Variants in BLM observed in about 807,000 individuals in gnomAD.
BLM encodes the protein recQ-like DNA helicase BLM.
Under a neutral mutation model 135.3 loss-of-function variants are expected in BLM, and 95 were observed. The observed-to-expected ratio is 0.70, with a 90% CI of 0.59 to 0.83. The LOEUF is 0.83. BLM is among the 40% of genes least tolerant of loss of function. The pLI, the probability that BLM is intolerant of heterozygous loss-of-function variation, is 0.00. For synonymous variants in BLM, 520 were observed against 589.2 expected (o/e 0.88, Z 1.70); for missense variants, 1,518 against 1,663.9 (o/e 0.91, Z 1.53).
chr15:90,782,693 C>A, intron 12 of BLM, 129 bp from the exon 13 acceptor site: 1 of 697,228 alleles, frequency 1.4e-6, no homozygotes, highest in Non-Finnish European at 2.5e-6. Context: ...AATTATCTCC[C>A]GGAGGCTCCA....
At chr15:90,734,696 C>CAGAGAGAGAGAGAGAG (rs60051515) in intron 1 of BLM, among the ~76,000 whole-genome samples, 1 of 146,118 alleles carries the variant, frequency 6.8e-6, no homozygotes, top group Non-Finnish European at 1.5e-5. Context: ...CACACACACG[C>CAGAGAGAGAGAGAGAG]AGAGAGAGAG....
intron 1 of BLM, among the ~76,000 whole-genome samples, chr15:90,720,270 A>G (rs1044353624): frequency 2.0e-5 from 3 of 152,220 alleles, no homozygotes; most frequent in Admixed American, 2.0e-4. Context: ...CACTGTAGAT[A>G]TTAGCTGAAT....
intron 1 of BLM, among the ~76,000 whole-genome samples, chr15:90,744,777 C>T (rs776273162): frequency 1.3e-5 from 2 of 151,890 alleles, no homozygotes; most frequent in Non-Finnish European, 2.9e-5. Flanking sequence ...AGGCTGGGCG[C>T]GGTGGCTCAC....
chr15:90,785,799 C>T (rs28745032), intron 14 of BLM, among the ~76,000 whole-genome samples: 24,288 of 151,940 alleles, frequency 0.16, 2,015 homozygotes, highest in Non-Finnish European at 0.19. Flanking sequence ...TCCCAAAGTG[C>T]TGGGATTATA....
intron 12 of BLM, among the ~76,000 whole-genome samples, chr15:90,780,633 A>G (rs542130811): frequency 6.6e-6 from 1 of 152,372 alleles, no homozygotes; most frequent in African/African-American, 2.4e-5. Flanking sequence ...TATCAAAAAC[A>G]TTTGAAAGAA....
At chr15:90,767,272 T>C (rs1203141063) in intron 10 of BLM, among the ~76,000 whole-genome samples, 1 of 152,214 alleles carries the variant, frequency 6.6e-6, no homozygotes, top group Non-Finnish European at 1.5e-5. Flanking sequence ...ACTGTACATT[T>C]CCTAAAAACA....
At chr15:90,758,371 C>A (rs1194188896) in intron 5 of BLM, among the ~76,000 whole-genome samples, 1 of 152,142 alleles carries the variant, frequency 6.6e-6, no homozygotes, top group African/African-American at 2.4e-5. Context: ...CTTGTAGTCC[C>A]AGGCACTCAG....
rs201551298 is a variant in BLM, at chr15:90,733,101, TA to T, written c.-4-14278del. ...GAGTGAGACTATGTCTCAAAAAAAT[TA>T]AAAAAAAAAGATGTGTATCTTGAAT... On this transcript the variant is annotated intron_variant, in intron 1 of 21. Transcript: ENST00000355112. Among the ~76,000 whole-genome samples the T allele has an allele frequency of 4.4e-4, 64 of 146,976 alleles. 2 individuals carry two copies. The highest frequency in any genetic ancestry group is 3.8e-3 in the Admixed American group (56 of 14,866).
chr15:90,719,863 C>T (rs772372907), intron 1 of BLM, among the ~76,000 whole-genome samples: 4 of 152,114 alleles, frequency 2.6e-5, no homozygotes, highest in Non-Finnish European at 5.9e-5. Context: ...AGGGTCTCCA[C>T]TACCTGTAGG....
intron 15 of BLM, among the ~76,000 whole-genome samples, chr15:90,792,885 G>A (rs1304908681): frequency 6.6e-6 from 1 of 151,760 alleles, no homozygotes; most frequent in Non-Finnish European, 1.5e-5. Flanking sequence ...TCTCAGTGAA[G>A]AAAATTAAAT....
At chr15:90,750,362 G>A (rs765010079) in intron 3 of BLM, among the ~76,000 whole-genome samples, 1 of 152,120 alleles carries the variant, frequency 6.6e-6, no homozygotes, top group African/African-American at 2.4e-5. Flanking sequence ...TCAGTTACCC[G>A]CAGCCGGCTG....
intron 1 of BLM, among the ~76,000 whole-genome samples, chr15:90,720,003 C>A (rs1397536616): frequency 6.6e-5 from 10 of 152,324 alleles, no homozygotes; most frequent in African/African-American, 2.4e-4. Flanking sequence ...TCAGTCCTGT[C>A]TGTAAAGTTC....
At chr15:90,739,064 G>T (rs1895295253) in intron 1 of BLM, among the ~76,000 whole-genome samples, 2 of 152,150 alleles carry the variant, frequency 1.3e-5, no homozygotes, top group Admixed American at 1.3e-4. Context: ...ATAAGAAAAT[G>T]TGGTATGTAT....
At chr15:90,720,873 C>T (rs942492141) in intron 1 of BLM, among the ~76,000 whole-genome samples, 1 of 152,016 alleles carries the variant, frequency 6.6e-6, no homozygotes, top group Non-Finnish European at 1.5e-5. Flanking sequence ...TTGAGCCCAC[C>T]GCACCTGGCC....
intron 8 of BLM, among the ~76,000 whole-genome samples, chr15:90,764,599 C>T (rs1171496217): frequency 6.6e-6 from 1 of 151,970 alleles, no homozygotes; most frequent in Admixed American, 6.5e-5. Context: ...GTCCACCTGC[C>T]TCAGGCTCCC....
At chr15:90,792,446 T>C (rs1306932780) in intron 15 of BLM, among the ~76,000 whole-genome samples, 1 of 151,584 alleles carries the variant, frequency 6.6e-6, no homozygotes, top group Non-Finnish European at 1.5e-5. Flanking sequence ...GTACAGTGCA[T>C]AGGAAATGGC....
intron 16 of BLM, 22 bp from the exon 17 acceptor site, chr15:90,798,168 A>G: frequency 5.7e-6 from 9 of 1,578,218 alleles, no homozygotes; most frequent in Non-Finnish European, 7.8e-6. Context: ...TATAGCAGAA[A>G]GTATTCTCTT....
At chr15:90,745,133 A>G (rs759791755) in intron 1 of BLM, among the ~76,000 whole-genome samples, 1 of 152,174 alleles carries the variant, frequency 6.6e-6, no homozygotes, top group Non-Finnish European at 1.5e-5. Context: ...TATGCCTGGA[A>G]CATCTTTTGA....
intron 16 of BLM, among the ~76,000 whole-genome samples, chr15:90,796,723 A>C (rs963108327): frequency 6.6e-6 from 1 of 152,186 alleles, no homozygotes; most frequent in Non-Finnish European, 1.5e-5. Flanking sequence ...AAGTTCAGCC[A>C]CATAGGTACA....
Sources: allele counts gnomAD v4.1 joint callset (sites outside exome capture counted in the v4.1 genomes callset), GRCh38; gene constraint gnomAD v4.1.1; transcripts MANE v1.5; gene names NCBI Gene and HGNC (gene_info 2026-07-23, HGNC 2026-07-21).